CPED1: variants seen among roughly 807,000 people sequenced by gnomAD.
CPED1 encodes cadherin like and PC-esterase domain containing 1, also known as cadherin-like and PC-esterase domain-containing protein 1.
Under a neutral mutation model 128.2 loss-of-function variants are expected in CPED1, and 114 were observed. That is an observed-to-expected ratio of 0.89 (90% CI 0.76 to 1.04). CPED1 has a LOEUF of 1.04. Among genes scored for constraint, CPED1 ranks in the 50% least tolerant of loss-of-function variants. CPED1 has a pLI of 0.00. For missense variants in CPED1, 1,211 were observed against 1,207.1 expected (o/e 1.00, Z -0.05); for synonymous variants, 462 against 426.7 (o/e 1.08, Z -1.02).
Position 121,247,401 on chromosome 7 carries a change from C to A in CPED1, c.2310+3063C>A, listed in dbSNP as rs186955848. Among the ~76,000 whole-genome samples the A allele has an allele frequency of 2.5e-3, 383 of 152,188 alleles. 1 individual carries two copies. The highest frequency in any genetic ancestry group is 8.7e-3 in the African/African-American group (360 of 41,504). ...AGACAATAGTAGAACAAAAGGTGAACAAGAGGGCCAGTGACATAGCCAAGA... is the reference window on the plus strand; with the variant it reads ...AGACAATAGTAGAACAAAAGGTGAAAAAGAGGGCCAGTGACATAGCCAAGA... On this transcript the variant is annotated intron_variant, in intron 18 of 22. Transcript: ENST00000310396.
chr7:121,059,867 G>A (rs1793606723), intron 4 of CPED1, among the ~76,000 whole-genome samples: 1 of 152,194 alleles, frequency 6.6e-6, no homozygotes, highest in Non-Finnish European at 1.5e-5. Flanking sequence ...TCCCACTTTG[G>A]CCGCACTTCA....
Position 121,131,290 on chromosome 7 carries a change from G to A in CPED1, c.1577+996G>A, listed in dbSNP as rs1210401919. Among the ~76,000 whole-genome samples, 4 of 152,052 alleles carry A rather than the reference G, an allele frequency of 2.6e-5. No homozygotes were observed. The South Asian group carries it at 6.2e-4, about 24-fold the overall frequency. On this transcript the variant is annotated intron_variant, in intron 12 of 22. Transcript: ENST00000310396. The stretch of plus-strand genomic sequence containing the variant: ...TTCACCTTATTTGCCATGGCTTTAA[G>A]AAGCTGGTTTTATTTCCTCAATACC...
At chr7:121,078,494 GAAAGAAAAAA>G (rs1563017173) in intron 5 of CPED1, among the ~76,000 whole-genome samples, 803 of 39,546 alleles carry the variant, frequency 0.02, 5 homozygotes, top group African/African-American at 0.045. Context: ...AAGAAAGAAA[GAAAGAAAAAA>G]AAAAAAAAAA....
At chr7:121,189,743 T>G (rs757257417) in intron 16 of CPED1, among the ~76,000 whole-genome samples, 7 of 135,494 alleles carry the variant, frequency 5.2e-5, no homozygotes, top group Non-Finnish European at 9.5e-5. Flanking sequence ...ATTCTTATTT[T>G]ACTTTCTTAT....
intron 4 of CPED1, among the ~76,000 whole-genome samples, chr7:121,062,354 AAAAC>A (rs371276331): frequency 5.7e-4 from 86 of 152,174 alleles, no homozygotes; most frequent in African/African-American, 1.3e-3. Context: ...GTGAACTTAA[AAAAC>A]AAACAAACAA....
intron 18 of CPED1, among the ~76,000 whole-genome samples, chr7:121,250,521 G>A (rs1490338776): frequency 3.6e-4 from 55 of 152,094 alleles, no homozygotes; most frequent in African/African-American, 1.0e-3. Context: ...CAAAAAATCA[G>A]TGAATCCAGG....
chr7:121,125,777 G>A (rs756197336), intron 8 of CPED1, 43 bp from the exon 9 acceptor site: 1 of 1,368,172 alleles, frequency 7.3e-7, no homozygotes, highest in South Asian at 1.2e-5. Context: ...ACATCCATGT[G>A]CATGTATCTT....
intron 5 of CPED1, among the ~76,000 whole-genome samples, chr7:121,079,476 C>G (rs945813213): frequency 6.6e-6 from 1 of 152,176 alleles, no homozygotes; most frequent in African/African-American, 2.4e-5. Context: ...CACTGGCTAC[C>G]CAGGTGCCCA....
At chr7:121,156,617 A>AG (rs1796290077) in intron 16 of CPED1, among the ~76,000 whole-genome samples, 1 of 152,218 alleles carries the variant, frequency 6.6e-6, no homozygotes, top group Non-Finnish European at 1.5e-5. Context: ...TCACGTTCAT[A>AG]TATGTGAGCT....
intron 16 of CPED1, among the ~76,000 whole-genome samples, chr7:121,217,011 T>C (rs1255979289): frequency 1.3e-5 from 2 of 151,976 alleles, no homozygotes; most frequent in African/African-American, 4.8e-5. Context: ...CTGGAGGTGG[T>C]TTGAGAATAT....
At chr7:121,023,906 G>A (rs995479850) in intron 3 of CPED1, among the ~76,000 whole-genome samples, 1 of 152,090 alleles carries the variant, frequency 6.6e-6, no homozygotes, top group African/African-American at 2.4e-5. Context: ...TTGCCTTGCC[G>A]GTGTTTTGCC....
At position 121,049,270 on chromosome 7, in the gene CPED1, G is replaced by A. The variant is rs118137764; in HGVS notation, c.540+2277G>A. ...TATAAAAGTTTCACTACACTGGGTC[G>A]TAAGAGGGATGTGTAGAAGGAAGGG... On this transcript the variant is annotated intron_variant, in intron 4 of 22. Transcript: ENST00000310396. Among the ~76,000 whole-genome samples the A allele has an allele frequency of 3.3e-5, 5 of 152,296 alleles. No individual in the cohort carries two copies. In the East Asian group the frequency reaches 5.8e-4, roughly 18 times the overall value.
At chr7:121,280,540 CACCAA>C (rs1418944301) in intron 22 of CPED1, among the ~76,000 whole-genome samples, 2 of 152,126 alleles carry the variant, frequency 1.3e-5, no homozygotes, top group African/African-American at 4.8e-5. Flanking sequence ...AATCTGGAAA[CACCAA>C]AACAAAACAA....
At position 121,266,736 on chromosome 7, in the gene CPED1, C is replaced by T. The variant is rs774032519; in HGVS notation, c.2561C>T (p.Thr854Ile). The T allele has an allele frequency of 1.9e-6, 3 of 1,612,880 alleles. No homozygotes were observed. The highest frequency in any genetic ancestry group is 1.1e-5 in the South Asian group (1 of 91,044). The change falls in exon 20 of 23, where the codon ACT (threonine) becomes ATT (isoleucine). Residue 854 changes from threonine (T) to isoleucine (I), a missense_variant. Thr to Ile is a moderately conservative substitution (Grantham distance 89, BLOSUM62 -1). Transcript: ENST00000310396. ...RSRPLENTGQ[T>I]VLVVGGVQWL... ...CGTCCCCTAGAGAATACTGGCCAGA[C>T]TGTATTGGTTGTTGGTGGTGTTCAG...
At chr7:121,155,956 A>C (rs1796273888) in intron 16 of CPED1, among the ~76,000 whole-genome samples, 2 of 152,192 alleles carry the variant, frequency 1.3e-5, no homozygotes, top group South Asian at 4.1e-4. Context: ...TCCATATAAC[A>C]AGGATTCAAT....
At chr7:121,085,483 T>A (rs746988649) in intron 5 of CPED1, among the ~76,000 whole-genome samples, 7 of 151,874 alleles carry the variant, frequency 4.6e-5, no homozygotes, top group African/African-American at 1.7e-4. Flanking sequence ...TTGAAAAAAA[T>A]GTTTTAGTAT....
At chr7:121,187,730 A>G (rs1458386343) in intron 16 of CPED1, among the ~76,000 whole-genome samples, 1 of 152,172 alleles carries the variant, frequency 6.6e-6, no homozygotes, top group Non-Finnish European at 1.5e-5. Flanking sequence ...AAAACAAAGT[A>G]TAGTTTTGCA....
chr7:121,059,140 G>T (rs1793584910), intron 4 of CPED1, among the ~76,000 whole-genome samples: 1 of 152,146 alleles, frequency 6.6e-6, no homozygotes, highest in Non-Finnish European at 1.5e-5. Flanking sequence ...CAAGTAGACA[G>T]GTGCTAGTGT....
intron 3 of CPED1, among the ~76,000 whole-genome samples, chr7:121,045,150 C>A (rs1408777810): frequency 6.6e-6 from 1 of 152,154 alleles, no homozygotes; most frequent in Non-Finnish European, 1.5e-5. Flanking sequence ...GGGAACTTTT[C>A]TTGAAAGTGA....
Sources: gnomAD v4.1 joint callset for allele counts (sites outside exome capture counted in the v4.1 genomes callset) on GRCh38, gnomAD v4.1.1 for gene constraint, MANE v1.5 for transcripts, NCBI Gene and HGNC (gene_info 2026-07-23, HGNC 2026-07-21) for gene names.